Variants in NCK1 observed in about 807,000 individuals in gnomAD.
NCK1 encodes NCK adaptor protein 1, also known as SH2/SH3 adapter protein NCK1.
A neutral mutation model predicts 36.6 loss-of-function variants in NCK1; 19 were observed. The ratio of observed to expected loss-of-function variants is 0.52; its 90% CI spans 0.36 to 0.76. The LOEUF is 0.76. Ranked by LOEUF, NCK1 falls within the 30% of genes least tolerant of loss-of-function variation. The probability of loss-of-function intolerance (pLI) is 0.00; values close to 1 mark genes in which losing one functional copy is unlikely to be tolerated. For missense variants in NCK1, 358 were observed against 445.6 expected (o/e 0.80, Z 1.77); for synonymous variants, 165 against 156.0 (o/e 1.06, Z -0.43).
At chr3:136,917,336 C>T (rs895367799) in intron 1 of NCK1, among the ~76,000 whole-genome samples, 1 of 151,640 alleles carries the variant, frequency 6.6e-6, no homozygotes, top group Non-Finnish European at 1.5e-5. Flanking sequence ...AGATTGGACA[C>T]CTCTGTCCAT....
intron 1 of NCK1, among the ~76,000 whole-genome samples, chr3:136,864,965 G>GTT (rs1286640780): frequency 4.8e-5 from 5 of 104,454 alleles, no homozygotes; most frequent in Non-Finnish European, 6.2e-5. Context: ...TCTTTTGTTT[G>GTT]TTTTTTTTTT....
intron 1 of NCK1, among the ~76,000 whole-genome samples, chr3:136,919,790 G>T (rs1428969139): frequency 1.3e-5 from 2 of 151,954 alleles, no homozygotes; most frequent in Non-Finnish European, 2.9e-5. Context: ...ACCTTTTTTG[G>T]CAAGTCAGTA....
chr3:136,862,786 TCCAGC>T (rs1397213380), intron 1 of NCK1, among the ~76,000 whole-genome samples: 2 of 152,192 alleles, frequency 1.3e-5, no homozygotes, highest in Non-Finnish European at 2.9e-5. Flanking sequence ...CGCTCTCACC[TCCAGC>T]CCGAGAGGAG....
intron 1 of NCK1, among the ~76,000 whole-genome samples, chr3:136,892,465 A>G (rs867919523): frequency 1.5e-4 from 23 of 152,230 alleles, no homozygotes; most frequent in Non-Finnish European, 2.8e-4. Context: ...GAGGGAATCA[A>G]TTAGTCCAGG....
chr3:136,927,341 A>G (rs1576982602), intron 1 of NCK1, among the ~76,000 whole-genome samples: 1 of 152,212 alleles, frequency 6.6e-6, no homozygotes. Context: ...TGGGTTTGTC[A>G]AGATCTCCTT....
At chr3:136,893,558 A>G (rs1463578030) in intron 1 of NCK1, among the ~76,000 whole-genome samples, 1 of 152,112 alleles carries the variant, frequency 6.6e-6, no homozygotes, top group Admixed American at 6.5e-5. Flanking sequence ...TCAGATGTAT[A>G]GATGGTGAAG....
chr3:136,926,621 T>C (rs1940247312), intron 1 of NCK1, among the ~76,000 whole-genome samples: 1 of 152,188 alleles, frequency 6.6e-6, no homozygotes, highest in African/African-American at 2.4e-5. Context: ...AAAATCTGTC[T>C]ATATACACTC....
rs1224209117 is a variant in NCK1 at position 136,938,428 on chromosome 3, TC to T, written c.227-7154del. 5.1e-4 allele frequency among the ~76,000 whole-genome samples: 78 copies of T among 152,314 alleles called. 1 individual carries two copies. Among genetic ancestry groups the T allele is most frequent in the Admixed American group, 3.1e-3 (47 of 15,300 alleles). On this transcript the variant is annotated intron_variant, in intron 2 of 3. Transcript: ENST00000481752. ...TGCAGTGTGGCAAAAATGTGAGTCATCTGATGTGCACATTCCCAGTTGAGGC... is the reference window on the plus strand; with the variant it reads ...TGCAGTGTGGCAAAAATGTGAGTCATTGATGTGCACATTCCCAGTTGAGGC...
chr3:136,906,556 C>A (rs1939691242), intron 1 of NCK1, among the ~76,000 whole-genome samples: 1 of 152,168 alleles, frequency 6.6e-6, no homozygotes, highest in South Asian at 2.1e-4. Context: ...GTAAGCCAAT[C>A]TTTGAGCCTC....
intron 1 of NCK1, among the ~76,000 whole-genome samples, chr3:136,891,449 T>G (rs1271934910): frequency 6.6e-6 from 1 of 152,198 alleles, no homozygotes; most frequent in African/African-American, 2.4e-5. Context: ...CATGGACACT[T>G]TGGTTGCTTC....
At chr3:136,934,850 A>G (rs116612179) in intron 2 of NCK1, among the ~76,000 whole-genome samples, 49 of 152,284 alleles carry the variant, frequency 3.2e-4, no homozygotes, top group African/African-American at 1.1e-3. Context: ...CGGTTAAGCA[A>G]TGGGTTAGAA....
chr3:136,941,227 G>A (rs1198406313), intron 2 of NCK1, among the ~76,000 whole-genome samples: 1 of 150,758 alleles, frequency 6.6e-6, no homozygotes, highest in Non-Finnish European at 1.5e-5. Context: ...CCAGGTTCAA[G>A]CGACACTTAT....
At chr3:136,896,571 T>A (rs144856134) in intron 1 of NCK1, among the ~76,000 whole-genome samples, 2,420 of 152,294 alleles carry the variant, frequency 0.016, 66 homozygotes, top group Non-Finnish European at 0.017. Context: ...AGGGTCTCAC[T>A]CTGTCACCCA....
intron 1 of NCK1, among the ~76,000 whole-genome samples, chr3:136,923,757 AC>A (rs1940173932): frequency 6.6e-6 from 1 of 152,180 alleles, no homozygotes; most frequent in South Asian, 2.1e-4. Flanking sequence ...TGATATTTAA[AC>A]ATCTACCTTG....
At chr3:136,907,201 G>A (rs1326476979) in intron 1 of NCK1, among the ~76,000 whole-genome samples, 1 of 152,140 alleles carries the variant, frequency 6.6e-6, no homozygotes, top group African/African-American at 2.4e-5. Context: ...GAAAATGCAC[G>A]GGTCCCCCTC....
Position 136,946,093 on chromosome 3 carries a change from A to G in NCK1, c.737A>G (p.Tyr246Cys). Residue 246 changes from tyrosine to cysteine, a missense_variant, in exon 3 of 4, where the codon TAT becomes TGT. Transcript: ENST00000481752. ...ATGGTTGGTCTAGTACCAAAAAACT[A>G]TGTTACCGTTATGCAGAATAATCCA... The part of the protein sequence containing the change: ...NGMVGLVPKN[Y>C]VTVMQNNPLT... 6.2e-7 allele frequency: 1 copy of G among 1,614,010 alleles called. No homozygotes were observed. The highest frequency in any genetic ancestry group is 8.5e-7 in the Non-Finnish European group (1 of 1,179,998).
chr3:136,908,403 A>G (rs1939742209), intron 1 of NCK1, among the ~76,000 whole-genome samples: 1 of 152,222 alleles, frequency 6.6e-6, no homozygotes, highest in Admixed American at 6.5e-5. Context: ...AATGAGGTAA[A>G]TTTATCTGTA....
At chr3:136,883,558 A>G (rs1444672730) in intron 1 of NCK1, among the ~76,000 whole-genome samples, 4 of 152,148 alleles carry the variant, frequency 2.6e-5, no homozygotes, top group African/African-American at 4.8e-5. Context: ...TTTGCAACCT[A>G]TAATTATTTT....
intron 1 of NCK1, among the ~76,000 whole-genome samples, chr3:136,890,365 TCCCGCTGGCGCCTCTC>T (rs1003904393): frequency 6.6e-5 from 10 of 151,800 alleles, no homozygotes; most frequent in African/African-American, 2.2e-4. Flanking sequence ...CAGCCCCAGT[TCCCGCTGGCGCCTCTC>T]CCTCTACACC....
Sources: allele counts gnomAD v4.1 joint callset (sites outside exome capture counted in the v4.1 genomes callset), GRCh38; gene constraint gnomAD v4.1.1; transcripts MANE v1.5; gene names NCBI Gene and HGNC (gene_info 2026-07-23, HGNC 2026-07-21).